ST18: variants seen among roughly 807,000 people sequenced by gnomAD.
ST18 encodes suppression of tumorigenicity 18 protein.
A neutral mutation model predicts 110.0 loss-of-function variants in ST18; 50 were observed. That is an observed-to-expected ratio of 0.45 (90% confidence interval 0.36 to 0.58). The LOEUF (loss-of-function observed/expected upper bound fraction) is 0.58. Ranked by LOEUF, ST18 falls within the 20% of genes least tolerant of loss-of-function variation. The pLI is 0.00. For synonymous variants in ST18, 461 were observed against 452.4 expected (o/e 1.02, Z -0.24); for missense variants, 1,306 against 1,280.1 (o/e 1.02, Z -0.31).
At chr8:52,231,468 C>T (rs906845723) in intron 2 of ST18, among the ~76,000 whole-genome samples, 2 of 151,334 alleles carry the variant, frequency 1.3e-5, no homozygotes, top group Non-Finnish European at 2.9e-5. Context: ...TAATATGCAT[C>T]AGGACCACCT....
Position 52,157,310 on chromosome 8 carries a change from T to C in ST18, c.1806+1588A>G, listed in dbSNP as rs141297180. ...GAATTCTGAGGAACAGGAACACATC[T>C]ACAGGCACAGATGGACAGCATTCAT... On this transcript the variant is annotated intron_variant, in intron 15 of 25. Coordinates refer to ENST00000689386, the MANE Select transcript of ST18 (RefSeq NM_001352837.2). Among the ~76,000 whole-genome samples, 962 of 152,170 alleles carry C rather than the reference T, an allele frequency of 6.3e-3. 49 individuals carry two copies. Among genetic ancestry groups the C allele is most frequent in the Admixed American group, 0.056 (857 of 15,280 alleles).
chr8:52,324,341 G>T (rs1805333849), intron 2 of ST18, among the ~76,000 whole-genome samples: 1 of 150,990 alleles, frequency 6.6e-6, no homozygotes, highest in Admixed American at 6.6e-5. Flanking sequence ...ATGGATGGAT[G>T]GATAAATGGA....
chr8:52,289,113 A>G (rs16917632), intron 2 of ST18, among the ~76,000 whole-genome samples: 1,685 of 152,336 alleles, frequency 0.011, 32 homozygotes, highest in African/African-American at 0.038. Flanking sequence ...CCTGCAGGTC[A>G]GAAAGCATCT....
chr8:52,219,172 G>A (rs2085637424), intron 5 of ST18, among the ~76,000 whole-genome samples: 1 of 152,076 alleles, frequency 6.6e-6, no homozygotes, highest in South Asian at 2.1e-4. Flanking sequence ...CTCACAATGG[G>A]AGCAAAGATG....
intron 15 of ST18, among the ~76,000 whole-genome samples, chr8:52,157,009 C>A (rs992126380): frequency 6.6e-6 from 1 of 152,140 alleles, no homozygotes; most frequent in Non-Finnish European, 1.5e-5. Flanking sequence ...CTGAGGCGTG[C>A]GGCGAGCTCC....
At chr8:52,219,495 T>C (rs1340426474) in intron 5 of ST18, among the ~76,000 whole-genome samples, 1 of 152,218 alleles carries the variant, frequency 6.6e-6, no homozygotes, top group Non-Finnish European at 1.5e-5. Flanking sequence ...TTGATTTCAA[T>C]GCTCTGTTCT....
At chr8:52,206,461 T>C (rs1246071215) in intron 8 of ST18, 4 of 152,374 alleles carry the variant, frequency 2.6e-5, no homozygotes, top group South Asian at 2.1e-4. Context: ...GTAAGAACAG[T>C]ACAGTAAACA....
intron 2 of ST18, among the ~76,000 whole-genome samples, chr8:52,326,321 C>G (rs1213823785): frequency 6.6e-6 from 1 of 152,090 alleles, no homozygotes; most frequent in Non-Finnish European, 1.5e-5. Flanking sequence ...GAGAATTTAC[C>G]ATAGACAGAG....
chr8:52,287,057 G>T (rs192553563), intron 2 of ST18, among the ~76,000 whole-genome samples: 1 of 152,242 alleles, frequency 6.6e-6, no homozygotes, highest in Admixed American at 6.5e-5. Context: ...TTTATACAAA[G>T]ACTGTTCCAA....
intron 16 of ST18, among the ~76,000 whole-genome samples, chr8:52,147,620 C>T (rs532992118): frequency 2.1e-4 from 32 of 152,026 alleles, no homozygotes; most frequent in African/African-American, 5.1e-4. Flanking sequence ...ACTCTGCATA[C>T]GGCATCGAGA....
chr8:52,328,434 GATA>G (rs1474571849), intron 2 of ST18, among the ~76,000 whole-genome samples: 3 of 152,176 alleles, frequency 2.0e-5, no homozygotes, highest in African/African-American at 7.2e-5. Flanking sequence ...TAATGATGGT[GATA>G]ATAATAATAA....
intron 8 of ST18, among the ~76,000 whole-genome samples, chr8:52,202,462 C>T (rs532368510): frequency 2.6e-5 from 4 of 151,846 alleles, no homozygotes; most frequent in Non-Finnish European, 5.9e-5. Context: ...GTCTCCCCAA[C>T]GAAATTGTAA....
chr8:52,321,557 T>C (rs903726954), intron 2 of ST18, among the ~76,000 whole-genome samples: 43 of 152,192 alleles, frequency 2.8e-4, no homozygotes, highest in African/African-American at 9.2e-4. Context: ...TTGGCTGATG[T>C]GGATGGAAAT....
Position 52,300,325 on chromosome 8 carries a change from T to C in ST18, c.-464-70248A>G, listed in dbSNP as rs145631075. ...ATACTCGAACACTCATGGAACAGAA[T>C]AAAAGAAGAACCAAGCATTAAGTTC... is the stretch of plus-strand genomic sequence containing the variant. On this transcript the variant is annotated intron_variant, in intron 2 of 25. Transcript: ENST00000689386. Among the ~76,000 whole-genome samples the C allele has an allele frequency of 6.7e-3, 1,026 of 152,250 alleles. 10 individuals carry two copies. The highest frequency in any genetic ancestry group is 0.023 in the African/African-American group (975 of 41,544).
intron 2 of ST18, among the ~76,000 whole-genome samples, chr8:52,269,201 A>C (rs1227889706): frequency 6.6e-6 from 1 of 152,236 alleles, no homozygotes; most frequent in Non-Finnish European, 1.5e-5. Context: ...ATCACCCTCT[A>C]TCTGGATGTG....
chr8:52,168,120 C>T (rs1294671540), intron 10 of ST18, among the ~76,000 whole-genome samples: 1 of 151,050 alleles, frequency 6.6e-6, no homozygotes, highest in Non-Finnish European at 1.5e-5. Context: ...TGGGGAGAGC[C>T]TGTCCCACGG....
chr8:52,263,083 C>A (rs534521873), intron 2 of ST18, among the ~76,000 whole-genome samples: 1 of 152,182 alleles, frequency 6.6e-6, no homozygotes. Context: ...TTTTAGTTGT[C>A]CCACTTTGAA....
At chr8:52,339,227 A>G (rs892489202) in intron 2 of ST18, among the ~76,000 whole-genome samples, 2 of 152,146 alleles carry the variant, frequency 1.3e-5, no homozygotes, top group African/African-American at 4.8e-5. Flanking sequence ...CTGAGCCCCA[A>G]GAGGCCATTC....
At chr8:52,352,883 T>C (rs1040950339) in intron 2 of ST18, among the ~76,000 whole-genome samples, 1 of 152,202 alleles carries the variant, frequency 6.6e-6, no homozygotes, top group Non-Finnish European at 1.5e-5. Context: ...TGTTCATGAG[T>C]GTTCTAAGAG....
Sources: allele counts gnomAD v4.1 joint callset (sites outside exome capture counted in the v4.1 genomes callset), GRCh38; gene constraint gnomAD v4.1.1; transcripts MANE v1.5; gene names NCBI Gene and HGNC (gene_info 2026-07-23, HGNC 2026-07-21).